Variants in DPP9 observed in about 807,000 individuals in gnomAD.
The protein encoded by DPP9 is dipeptidyl peptidase 9.
A neutral mutation model predicts 110.7 loss-of-function variants in DPP9; 50 were observed. The observed-to-expected ratio is 0.45, with a 90% CI of 0.36 to 0.57. The LOEUF is 0.57. Ranked by LOEUF, DPP9 falls within the 20% of genes least tolerant of loss-of-function variation. DPP9 has a pLI of 0.00. For missense variants in DPP9, 1,022 were observed against 1,217.9 expected (o/e 0.84, Z 2.39); for synonymous variants, 561 against 514.4 (o/e 1.09, Z -1.23).
intron 19 of DPP9, 89 bp downstream of exon 19, chr19:4,683,388 C>A: frequency 6.4e-7 from 1 of 1,566,388 alleles, no homozygotes; most frequent in South Asian, 1.2e-5. Context: ...AGGTGGGCTC[C>A]GGGTGGCGCG....
At position 4,685,207 on chromosome 19, in the gene DPP9, C is replaced by T. The variant is rs143675938; in HGVS notation, c.2032-398G>A. ...ACCACAAAGTACCCAGACATCGCCC[C>T]GTATCCTCTGTGGGGACAGAGCTGC... is the stretch of plus-strand genomic sequence containing the variant. On this transcript the variant is annotated intron_variant, in intron 17 of 21. Coordinates refer to ENST00000262960, the MANE Select transcript of DPP9 (RefSeq NM_139159.5). The surrounding 1 kb of genome is among the most constrained non-coding windows in gnomAD (Gnocchi z 5.8). 2.3e-4 allele frequency: 119 copies of T among 520,318 alleles called. No homozygotes were observed. The highest frequency in any genetic ancestry group is 2.0e-3 in the African/African-American group (105 of 52,632). 32.2% of individuals were successfully genotyped at this position (520,318 alleles called of 1,614,324 possible).
In DPP9 at chr19:4,685,679, A is replaced by C; in HGVS notation, c.1978T>G (p.Leu660Val). The change falls in exon 17 of 22, where the codon TTG becomes GTG. Residue 660 changes from leucine to valine, a missense_variant. Transcript: ENST00000262960. This position sits in a 1 kb window ranked among gnomAD's most constrained non-coding sequence, Gnocchi z 5.8. The stretch of plus-strand genomic sequence containing the variant: ...GTGGGGTGCTTCTTCCCTGGCTGCA[A>C]GGCGTGGGGCTTGTAGATCATGCCG... ...LYGMIYKPHA[L>V]QPGKKHPTVL... The C allele has an allele frequency of 6.2e-7, 1 of 1,613,118 alleles. No homozygotes were observed. Among genetic ancestry groups the C allele is most frequent in the Non-Finnish European group, 8.5e-7 (1 of 1,179,662 alleles).
chr19:4,703,190 G>A (rs574744463), intron 7 of DPP9, among the ~76,000 whole-genome samples: 61 of 152,246 alleles, frequency 4.0e-4, no homozygotes, highest in African/African-American at 1.3e-3. Context: ...GAGAGAACAC[G>A]CAGGAAGCAG....
chr19:4,722,740 G>C (rs549278003), intron 1 of DPP9, 189 bp from the exon 2 acceptor site: 26 of 581,006 alleles, frequency 4.5e-5, no homozygotes, highest in Non-Finnish European at 7.1e-5. Flanking sequence ...GCCATCCCAC[G>C]GGCCCCGATT....
chr19:4,689,852 G>T lies in DPP9; in HGVS notation c.1597-130C>A. 1 of 1,042,322 alleles carries T rather than the reference G, an allele frequency of 9.6e-7. No homozygotes were observed. The highest frequency in any genetic ancestry group is 1.3e-6 in the Non-Finnish European group (1 of 745,318). The allele number at this position is 1,042,322 out of a possible 1,614,324, so 64.6% of individuals were successfully genotyped here. On this transcript the variant is annotated intron_variant, in intron 14 of 21. Transcript: ENST00000262960. The surrounding 1 kb of genome is among the most constrained non-coding windows in gnomAD (Gnocchi z 7.0). ...CGCATGCTGTCCTCGCCCAAGTCTG[G>T]CTTTAGGGCTGGAGATGAACCATCC...
intron 3 of DPP9, among the ~76,000 whole-genome samples, chr19:4,716,622 G>A (rs1245413488): frequency 6.6e-6 from 1 of 151,622 alleles, no homozygotes; most frequent in Non-Finnish European, 1.5e-5. Flanking sequence ...GGGCGACAGA[G>A]TGAGACTCTG....
chr19:4,712,996 G>A (rs893575080), intron 4 of DPP9, among the ~76,000 whole-genome samples: 5 of 152,210 alleles, frequency 3.3e-5, no homozygotes, highest in African/African-American at 9.6e-5. Context: ...TGAGTGCAGC[G>A]GTCTGGACAA....
chr19:4,711,109 T>C (rs1270243171), intron 4 of DPP9, among the ~76,000 whole-genome samples: 1 of 152,030 alleles, frequency 6.6e-6, no homozygotes, highest in African/African-American at 2.4e-5. Flanking sequence ...GGAGGACAGG[T>C]GGGCAGCGAG....
Position 4,693,814 on chromosome 19 carries a change from C to G in DPP9, c.1516+847G>C, listed in dbSNP as rs1315387683. ...CCTGCACCATCTGCTTTTTCTCTCC[C>G]CACCCTCTCCTCCCTCTCTCCCCCT... On this transcript the variant is annotated intron_variant, in intron 13 of 21. Transcript: ENST00000262960. The surrounding 1 kb of genome is among the most constrained non-coding windows in gnomAD (Gnocchi z 5.0). Among the ~76,000 whole-genome samples the G allele has an allele frequency of 6.6e-6, 1 of 151,970 alleles. No homozygotes were observed. The highest frequency in any genetic ancestry group is 1.9e-4 in the East Asian group (1 of 5,174).
chr19:4,685,757 A>G lies in DPP9; in HGVS notation c.1900T>C (p.Tyr634His). Reference sequence around the variant, plus strand: ...AAATGGAAGATCTCTGGAGGAACATAATCCGGGGGGCAGCCTGCGGGAGAC... The same window carrying G: ...AAATGGAAGATCTCTGGAGGAACATGATCCGGGGGGCAGCCTGCGGGAGAC... The part of the protein sequence containing the change: ...MMEAASCPPD[Y>H]VPPEIFHFHT... Residue 634 changes from tyrosine to histidine, a missense_variant, in exon 17 of 22, where the codon TAT becomes CAT. Tyr to His is a moderately conservative substitution (Grantham distance 83). Around this residue, in one of 3 missense-constraint regions of DPP9, gnomAD observed 810 missense variants for 920.6 expected, o/e 0.88. Transcript: ENST00000262960. The surrounding 1 kb of genome is among the most constrained non-coding windows in gnomAD (Gnocchi z 5.8). 6.2e-7 allele frequency: 1 copy of G among 1,613,066 alleles called. No homozygotes were observed. The highest frequency in any genetic ancestry group is 8.5e-7 in the Non-Finnish European group (1 of 1,179,798).
chr19:4,694,460 G>T lies in DPP9; in HGVS notation c.1516+201C>A. The T allele has an allele frequency of 1.5e-6, 1 of 672,214 alleles. No individual in the cohort carries two copies. The highest frequency in any genetic ancestry group is 2.5e-6 in the Non-Finnish European group (1 of 405,688). 41.6% of individuals were successfully genotyped at this position (672,214 alleles called of 1,614,324 possible). On this transcript the variant is annotated intron_variant, in intron 13 of 21. Transcript: ENST00000262960. The surrounding 1 kb of genome is among the most constrained non-coding windows in gnomAD (Gnocchi z 4.0). ...AGGGGAGGTGCTCAGTAAATCTGCT[G>T]CCTGAATAAGCCAACAGTTGGGTGC...
intron 14 of DPP9, among the ~76,000 whole-genome samples, chr19:4,690,487 C>T (rs1202079664): frequency 6.6e-6 from 1 of 152,184 alleles, no homozygotes; most frequent in Non-Finnish European, 1.5e-5. Flanking sequence ...AGCTTCCAGT[C>T]GGGGGAGCAT....
At chr19:4,681,144 C>T (rs1279662666) in intron 20 of DPP9, among the ~76,000 whole-genome samples, 1 of 152,148 alleles carries the variant, frequency 6.6e-6, no homozygotes, top group Non-Finnish European at 1.5e-5. Context: ...ATTAACGGAA[C>T]TTATAAACCC....
Position 4,697,531 on chromosome 19 carries a change from T to A in DPP9, c.1175+20A>T. On this transcript the variant is annotated intron_variant, in intron 11 of 21. Coordinates refer to ENST00000262960, the MANE Select transcript of DPP9 (RefSeq NM_139159.5). ...GGGCCCTGCAGGTGAATTCCTTGGG[T>A]TCCAGCCAGAGACACTCACTATTTG... 1 of 1,606,124 alleles carries A rather than the reference T, an allele frequency of 6.2e-7. No homozygotes were observed. The highest frequency in any genetic ancestry group is 8.5e-7 in the Non-Finnish European group (1 of 1,174,396).
Position 4,695,572 on chromosome 19 carries a change from G to C in DPP9, c.1176-17C>G, listed in dbSNP as rs1381313433. On this transcript the variant is annotated splice_polypyrimidine_tract_variant and intron_variant, in intron 11 of 21. Transcript: ENST00000262960. This position sits in a 1 kb window ranked among gnomAD's most constrained non-coding sequence, Gnocchi z 4.7. Reference sequence around the variant, plus strand: ...GCCCAGGCGCTAAGGGGGAAGATGCGGGGGAAGATGAGAGGGAAGCTGGGA... The same window carrying C: ...GCCCAGGCGCTAAGGGGGAAGATGCCGGGGAAGATGAGAGGGAAGCTGGGA... The C allele has an allele frequency of 8.3e-6, 12 of 1,453,590 alleles. No homozygotes were observed. The highest frequency in any genetic ancestry group is 1.1e-5 in the Non-Finnish European group (12 of 1,103,682). 90.0% of individuals were successfully genotyped at this position (1,453,590 alleles called of 1,614,324 possible).
Position 4,704,438 on chromosome 19 carries a change from C to T in DPP9, c.427-134G>A, listed in dbSNP as rs2145761864. The stretch of plus-strand genomic sequence containing the variant: ...GCCTCGCCAGAGAGAACTTCCTGTA[C>T]TGGGCAGAATTGGCTGCCGGAGCCC... On this transcript the variant is annotated intron_variant, in intron 5 of 21. Coordinates refer to ENST00000262960, the MANE Select transcript of DPP9 (RefSeq NM_139159.5). This position sits in a 1 kb window ranked among gnomAD's most constrained non-coding sequence, Gnocchi z 6.0. The T allele has an allele frequency of 1.7e-6, 2 of 1,146,242 alleles. No homozygotes were observed. The highest frequency in any genetic ancestry group is 3.0e-5 in the South Asian group (2 of 67,494). The allele number at this position is 1,146,242 out of a possible 1,614,324, so 71.0% of individuals were successfully genotyped here.
In DPP9 at chr19:4,687,217, G is replaced by A. The variant is rs113834447; in HGVS notation, c.1886-1446C>T. The stretch of plus-strand genomic sequence containing the variant: ...GGGATCTGTTTCTGCTCAGGGGTGA[G>A]GGCATCACAAAATGCTTTCCAGCCC... On this transcript the variant is annotated intron_variant, in intron 16 of 21. Transcript: ENST00000262960. This position sits in a 1 kb window ranked among gnomAD's most constrained non-coding sequence, Gnocchi z 4.7. 7.7e-3 allele frequency among the ~76,000 whole-genome samples: 1,179 copies of A among 152,260 alleles called. 16 individuals are homozygous for A. Among genetic ancestry groups the A allele is most frequent in the African/African-American group, 0.027 (1,118 of 41,534 alleles).
rs931546843 is a variant in DPP9 at position 4,704,459 on chromosome 19, A to G, written c.427-155T>C. On this transcript the variant is annotated intron_variant, in intron 5 of 21. Transcript: ENST00000262960. The surrounding 1 kb of genome is among the most constrained non-coding windows in gnomAD (Gnocchi z 6.0). ...TGTACTGGGCAGAATTGGCTGCCGG[A>G]GCCCTTGACACAGTGGGTGGCCAAA... Among the ~76,000 whole-genome samples, 9 of 152,186 alleles carry G rather than the reference A, an allele frequency of 5.9e-5. No homozygotes were observed. Among genetic ancestry groups the G allele is most frequent in the African/African-American group, 2.2e-4 (9 of 41,454 alleles).
At chr19:4,713,473 C>T (rs769895540) in intron 4 of DPP9, among the ~76,000 whole-genome samples, 158 of 152,350 alleles carry the variant, frequency 1.0e-3, no homozygotes, top group African/African-American at 3.1e-3. Context: ...GGAGGAGCTG[C>T]GTGCAGGCAC....
Sources: gnomAD v4.1 joint callset for allele counts (sites outside exome capture counted in the v4.1 genomes callset) on GRCh38, gnomAD v4.1.1 for gene constraint, gnomAD v4.1.1 regional missense constraint, Gnocchi (gnomAD v3.1) non-coding constraint, MANE v1.5 for transcripts, NCBI Gene and HGNC (gene_info 2026-07-23, HGNC 2026-07-21) for gene names.